The following TRABD2B variants were observed in gnomAD, a reference collection of about 807,000 sequenced individuals.
TRABD2B encodes TraB domain containing 2B.
TRABD2B carries 14 observed loss-of-function variants against 40.1 expected under a neutral mutation model. That is an observed-to-expected ratio of 0.35 (90% CI 0.23 to 0.55). The LOEUF (loss-of-function observed/expected upper bound fraction) is 0.55, where lower values mean the gene tolerates loss of function less well. TRABD2B is among the 20% of genes least tolerant of loss of function. The probability of loss-of-function intolerance (pLI) is 0.90; values close to 1 mark genes in which losing one functional copy is unlikely to be tolerated. For synonymous variants in TRABD2B, 263 were observed against 277.0 expected (o/e 0.95, Z 0.50); for missense variants, 541 against 648.6 (o/e 0.83, Z 1.80).
intron 2 of TRABD2B, among the ~76,000 whole-genome samples, chr1:47,875,079 G>A (rs1018565423): frequency 3.3e-5 from 5 of 152,022 alleles, no homozygotes; most frequent in Non-Finnish European, 5.9e-5. Context: ...CTATATGGGT[G>A]ACAAAATCAG....
chr1:47,808,269 C>T (rs1292698893), intron 2 of TRABD2B, among the ~76,000 whole-genome samples: 1 of 152,100 alleles, frequency 6.6e-6, no homozygotes, highest in Non-Finnish European at 1.5e-5. Flanking sequence ...TTTAGACTTA[C>T]CCACCAATGT....
At chr1:47,796,347 C>T (rs1557574184) in intron 3 of TRABD2B, among the ~76,000 whole-genome samples, 2 of 152,214 alleles carry the variant, frequency 1.3e-5, no homozygotes, top group South Asian at 4.1e-4. Flanking sequence ...AAGCACAAGA[C>T]ACCAGACCTT....
intron 2 of TRABD2B, among the ~76,000 whole-genome samples, chr1:47,890,867 G>A (rs954169912): frequency 6.6e-6 from 1 of 152,260 alleles, no homozygotes; most frequent in East Asian, 1.9e-4. Flanking sequence ...ACAGCAGGTA[G>A]GTTGCTGTAT....
intron 2 of TRABD2B, among the ~76,000 whole-genome samples, chr1:47,979,190 C>G (rs1226311190): frequency 3.3e-5 from 5 of 150,562 alleles, no homozygotes; most frequent in African/African-American, 7.5e-5. Context: ...GGGAACAATG[C>G]GGGAAGGGGG....
intron 6 of TRABD2B, among the ~76,000 whole-genome samples, chr1:47,766,640 A>C (rs771967824): frequency 5.9e-5 from 9 of 152,194 alleles, no homozygotes; most frequent in Non-Finnish European, 1.2e-4. Flanking sequence ...ACAAGCCTTC[A>C]AAATGGGTCT....
intron 2 of TRABD2B, among the ~76,000 whole-genome samples, chr1:47,963,802 A>G (rs1645558248): frequency 6.6e-6 from 1 of 152,184 alleles, no homozygotes; most frequent in South Asian, 2.1e-4. Flanking sequence ...TTGCGTCCCA[A>G]TAACAACAAG....
chr1:47,864,598 C>G (rs1214573807), intron 2 of TRABD2B, among the ~76,000 whole-genome samples: 1 of 152,116 alleles, frequency 6.6e-6, no homozygotes, highest in Non-Finnish European at 1.5e-5. Context: ...TCTGAAGTAG[C>G]CTTAGTTTGC....
At chr1:47,972,953 G>C (rs765660174) in intron 2 of TRABD2B, among the ~76,000 whole-genome samples, 1 of 152,170 alleles carries the variant, frequency 6.6e-6, no homozygotes, top group African/African-American at 2.4e-5. Context: ...GCATGGTTGT[G>C]TACTCTTTAC....
At chr1:47,986,397 TC>T (rs1645919407) in intron 2 of TRABD2B, among the ~76,000 whole-genome samples, 2 of 152,204 alleles carry the variant, frequency 1.3e-5, no homozygotes, top group Admixed American at 1.3e-4. Flanking sequence ...AGCCCCAACT[TC>T]AGAACTGGAG....
At chr1:47,921,681 C>T (rs900964820) in intron 2 of TRABD2B, among the ~76,000 whole-genome samples, 2 of 152,286 alleles carry the variant, frequency 1.3e-5, no homozygotes, top group African/African-American at 2.4e-5. Context: ...TTTGGCTTCA[C>T]GAACTTTTAT....
chr1:47,804,982 G>A (rs904972179), intron 2 of TRABD2B, among the ~76,000 whole-genome samples: 2 of 152,158 alleles, frequency 1.3e-5, no homozygotes, highest in Non-Finnish European at 2.9e-5. Context: ...CTGCACCAAG[G>A]CCCTTCTGTG....
chr1:47,860,263 A>G (rs932528814), intron 2 of TRABD2B, among the ~76,000 whole-genome samples: 11 of 152,154 alleles, frequency 7.2e-5, no homozygotes, highest in Admixed American at 4.6e-4. Flanking sequence ...GCTTTCTCCT[A>G]TAAGTCTTTC....
In TRABD2B at chr1:47,789,941, TA is replaced by T. The variant is rs61490498; in HGVS notation, c.988+4644del. ...AAGCATGCTCAATTCTTTCTCATCT[TA>T]AAAAAAAAAAAGGTAGGTGAGTGGG... On this transcript the variant is annotated intron_variant, in intron 4 of 6. Transcript: ENST00000606738. Among the ~76,000 whole-genome samples the T allele has an allele frequency of 4.1e-3, 586 of 143,820 alleles. 6 individuals are homozygous for T. The highest frequency in any genetic ancestry group is 9.8e-3 in the African/African-American group (385 of 39,392). The allele number at this position is 143,820 out of a possible 152,430, so 94.4% of individuals were successfully genotyped here. A position where few individuals can be genotyped will look rare whatever the true frequency, so the allele number is the denominator to read the frequency against.
chr1:47,833,291 G>A (rs1645274399), intron 2 of TRABD2B, among the ~76,000 whole-genome samples: 1 of 152,200 alleles, frequency 6.6e-6, no homozygotes, highest in South Asian at 2.1e-4. Context: ...GCAGGGGAAA[G>A]GACATGTTAC....
Position 47,881,449 on chromosome 1 carries a change from C to T in TRABD2B, c.667-79830G>A, listed in dbSNP as rs144990215. Among the ~76,000 whole-genome samples the T allele has an allele frequency of 9.8e-5, 15 of 152,314 alleles. No individual in the cohort carries two copies. The East Asian group carries it at 2.5e-3, about 25-fold the overall frequency. On this transcript the variant is annotated intron_variant, in intron 2 of 6. Coordinates refer to ENST00000606738, the MANE Select transcript of TRABD2B (RefSeq NM_001194986.2). ...TATACACCAGGAACTCTGCTAAGAA[C>T]TTGACATCCATTTTCCCATTTTTAT...
At chr1:47,927,973 T>TCC (rs1644992186) in intron 2 of TRABD2B, among the ~76,000 whole-genome samples, 1 of 152,126 alleles carries the variant, frequency 6.6e-6, no homozygotes, top group East Asian at 1.9e-4. Flanking sequence ...AGCATAAGCA[T>TCC]CCCCTGGAAG....
chr1:47,837,659 T>C (rs1403047486), intron 2 of TRABD2B, among the ~76,000 whole-genome samples: 1 of 152,188 alleles, frequency 6.6e-6, no homozygotes, highest in African/African-American at 2.4e-5. Flanking sequence ...TTCTGAAGAA[T>C]GCACATTCCA....
At chr1:47,769,063 G>A (rs536371623) in intron 6 of TRABD2B, among the ~76,000 whole-genome samples, 14 of 152,164 alleles carry the variant, frequency 9.2e-5, no homozygotes, top group African/African-American at 2.9e-4. Context: ...CTTGCCAGGC[G>A]GGGACACTGA....
intron 2 of TRABD2B, among the ~76,000 whole-genome samples, chr1:47,877,454 C>T (rs1644241684): frequency 6.6e-6 from 1 of 152,202 alleles, no homozygotes; most frequent in Non-Finnish European, 1.5e-5. Context: ...TTCCCTCCCT[C>T]CCTCTTCTGT....
Sources: allele counts gnomAD v4.1 joint callset (sites outside exome capture counted in the v4.1 genomes callset), GRCh38; gene constraint gnomAD v4.1.1; transcripts MANE v1.5; gene names NCBI Gene and HGNC (gene_info 2026-07-23, HGNC 2026-07-21).